Variants in CYP2C8 observed in about 807,000 individuals in gnomAD.
The protein encoded by CYP2C8 is cytochrome P450 family 2 subfamily C member 8.
A neutral mutation model predicts 41.3 loss-of-function variants in CYP2C8; 51 were observed. The observed-to-expected ratio is 1.24, with a 90% CI of 0.99 to 1.56. The LOEUF (loss-of-function observed/expected upper bound fraction) is 1.56. Ranked by LOEUF, CYP2C8 falls within the 40% of genes most tolerant of loss-of-function variation. CYP2C8 has a pLI of 0.00. For missense variants in CYP2C8, 651 were observed against 579.9 expected (o/e 1.12, Z -1.26); for synonymous variants, 218 against 205.8 (o/e 1.06, Z -0.51).
At chr10:95,065,546 G>C (rs1354377143) in intron 3 of CYP2C8, among the ~76,000 whole-genome samples, 1 of 152,130 alleles carries the variant, frequency 6.6e-6, no homozygotes, top group Non-Finnish European at 1.5e-5. Context: ...TAAGTAAAAT[G>C]CTAACTTTTT....
Position 95,038,908 on chromosome 10 carries a change from G to T in CYP2C8, c.1280C>A (p.Pro427His), listed in dbSNP as rs752621676. 1.2e-6 allele frequency: 2 copies of T among 1,613,884 alleles called. No individual in the cohort carries two copies. Among genetic ancestry groups the T allele is most frequent in the Non-Finnish European group, 1.7e-6 (2 of 1,179,800 alleles). The change falls in exon 8 of 9, where the codon CCT becomes CAT. Residue 427 changes from proline (P) to histidine (H), a missense_variant. By Grantham distance (77) the Pro-to-His change is moderately conservative (BLOSUM62 -2). Coordinates refer to ENST00000371270, the MANE Select transcript of CYP2C8 (RefSeq NM_000770.3). ...GNFKKSDYFM[P>H]FSAGKRICAG... is the part of the protein sequence containing the mutation. ...CGAGTTTCTATTACCTGCTGAGAAA[G>T]GCATGAAGTAGTCACTTTTCTTAAA...
Position 95,036,790 on chromosome 10 carries a change from C to T in CYP2C8, c.*338G>A, listed in dbSNP as rs2032890587. Reference sequence around the variant, plus strand: ...TGAGAACTGAACCAGCAATTAATAACACTTTTTATTTAGCACATTCACAAA... The same window carrying T: ...TGAGAACTGAACCAGCAATTAATAATACTTTTTATTTAGCACATTCACAAA... On this transcript the variant is annotated 3_prime_UTR_variant, in exon 9 of 9. Transcript: ENST00000371270. 3.0e-6 allele frequency: 1 copy of T among 328,592 alleles called. No homozygotes were observed. The highest frequency in any genetic ancestry group is 7.6e-5 in the East Asian group (1 of 13,112). The allele number at this position is 328,592 out of a possible 1,614,324, so 20.4% of individuals were successfully genotyped here. A position where few individuals can be genotyped will look rare whatever the true frequency, so the allele number is the denominator to read the frequency against.
Position 95,042,974 on chromosome 10 carries a change from G to C in CYP2C8, c.1065C>G (p.Ile355Met). The C allele has an allele frequency of 6.2e-7, 1 of 1,614,172 alleles. No individual in the cohort carries two copies. ...MPYTDAVVHE[I>M]QRYSDLVPTG... ...TGGGGACAAGGTCACTGTATCTCTGGATCTCGTGCACTACAGCATCAGTGT... is the reference window on the plus strand; with the variant it reads ...TGGGGACAAGGTCACTGTATCTCTGCATCTCGTGCACTACAGCATCAGTGT... Residue 355 changes from isoleucine (I) to methionine (M), a missense_variant, in exon 7 of 9, where the codon ATC becomes ATG. Transcript: ENST00000371270.
At chr10:95,064,691 AT>A (rs1038352443) in intron 4 of CYP2C8, 108 bp downstream of exon 4, 5 of 1,096,478 alleles carry the variant, frequency 4.6e-6, no homozygotes, top group Non-Finnish European at 6.7e-6. Flanking sequence ...CTCATACATC[AT>A]TTTTATTGTA....
At chr10:95,063,338 CT>C (rs2033482468) in intron 4 of CYP2C8, among the ~76,000 whole-genome samples, 1 of 152,292 alleles carries the variant, frequency 6.6e-6, no homozygotes, top group Non-Finnish European at 1.5e-5. Flanking sequence ...TTGTGCATTT[CT>C]TTTTATTCTT....
rs1162778112 is a variant in CYP2C8 at position 95,039,039 on chromosome 10, C to G, written c.1150-1G>C. On this transcript the variant is annotated splice_acceptor_variant, in intron 7 of 8. Transcript: ENST00000371270. LOFTEE classifies it high-confidence loss of function. ...TCAGTAATGCCATTATGGTTGTGCC[C>G]TGGAAGTAACAAAACAGATAATCTG... 1.9e-6 allele frequency: 3 copies of G among 1,612,924 alleles called. No individual in the cohort carries two copies. Among genetic ancestry groups the G allele is most frequent in the Non-Finnish European group, 2.5e-6 (3 of 1,178,992 alleles).
chr10:95,045,432 G>A (rs1485940382), intron 6 of CYP2C8, among the ~76,000 whole-genome samples: 1 of 152,162 alleles, frequency 6.6e-6, no homozygotes, highest in Non-Finnish European at 1.5e-5. Flanking sequence ...CCCCACCACA[G>A]CATTAGAGCA....
intron 3 of CYP2C8, 120 bp downstream of exon 3, chr10:95,067,088 C>T: frequency 7.2e-7 from 1 of 1,394,878 alleles, no homozygotes. Flanking sequence ...CCTCCACCAC[C>T]TGAGGGCTGA....
intron 4 of CYP2C8, among the ~76,000 whole-genome samples, chr10:95,062,092 G>A (rs1259285197): frequency 6.6e-6 from 1 of 152,164 alleles, no homozygotes; most frequent in African/African-American, 2.4e-5. Flanking sequence ...AGTGTGGTGT[G>A]GTGCTGAGAA....
At chr10:95,052,830 C>A (rs2033237904) in intron 5 of CYP2C8, among the ~76,000 whole-genome samples, 1 of 152,058 alleles carries the variant, frequency 6.6e-6, no homozygotes, top group African/African-American at 2.4e-5. Context: ...AGACCAACAG[C>A]TAGTAACATA....
At chr10:95,038,400 T>A (rs2032927667) in intron 8 of CYP2C8, among the ~76,000 whole-genome samples, 1 of 152,182 alleles carries the variant, frequency 6.6e-6, no homozygotes, top group African/African-American at 2.4e-5. Flanking sequence ...CTTTCCTCTC[T>A]CACAGTCCTG....
At chr10:95,063,842 A>C (rs1415660621) in intron 4 of CYP2C8, among the ~76,000 whole-genome samples, 3 of 152,188 alleles carry the variant, frequency 2.0e-5, no homozygotes, top group Non-Finnish European at 4.4e-5. Flanking sequence ...TCTGTTTGTT[A>C]GATTTCCTTC....
At chr10:95,067,458 C>A (rs751649419) in intron 2 of CYP2C8, 71 bp downstream of exon 2, 25 of 1,613,172 alleles carry the variant, frequency 1.5e-5, no homozygotes, top group Middle Eastern at 1.6e-4. Context: ...TGCTGAGAAG[C>A]TTTTTAGGGC....
At chr10:95,042,566 A>G (rs905944696) in intron 7 of CYP2C8, among the ~76,000 whole-genome samples, 1 of 152,246 alleles carries the variant, frequency 6.6e-6, no homozygotes, top group African/African-American at 2.4e-5. Flanking sequence ...TAAAAAATTC[A>G]ATGCATGAAC....
At chr10:95,049,142 A>G (rs773071845) in intron 5 of CYP2C8, among the ~76,000 whole-genome samples, 17 of 152,202 alleles carry the variant, frequency 1.1e-4, no homozygotes, top group Non-Finnish European at 1.6e-4. Flanking sequence ...TAATCCCATT[A>G]GAAAGTGGGC....
intron 7 of CYP2C8, chr10:95,039,496 G>A (rs548421041): frequency 5.8e-6 from 1 of 172,516 alleles, no homozygotes; most frequent in Admixed American, 5.6e-5. Context: ...AACCACAAGT[G>A]CAATAAGAAG....
At chr10:95,063,823 G>A (rs1564741531) in intron 4 of CYP2C8, among the ~76,000 whole-genome samples, 1 of 152,190 alleles carries the variant, frequency 6.6e-6, no homozygotes, top group Non-Finnish European at 1.5e-5. Context: ...TTTTGGTGTG[G>A]ATGTCCTTTC....
At chr10:95,056,852 G>T (rs2033323957) in intron 5 of CYP2C8, among the ~76,000 whole-genome samples, 1 of 152,120 alleles carries the variant, frequency 6.6e-6, no homozygotes, top group Non-Finnish European at 1.5e-5. Flanking sequence ...TCCCAATGTG[G>T]AGCTTAGCCT....
intron 8 of CYP2C8, among the ~76,000 whole-genome samples, chr10:95,038,019 T>C (rs941127536): frequency 1.4e-4 from 21 of 152,230 alleles, no homozygotes; most frequent in African/African-American, 5.1e-4. Context: ...TGGTAAAATG[T>C]GAATTCTTGA....
Sources: gnomAD v4.1 joint callset for allele counts (sites outside exome capture counted in the v4.1 genomes callset) on GRCh38, gnomAD v4.1.1 for gene constraint, MANE v1.5 for transcripts, NCBI Gene and HGNC (gene_info 2026-07-23, HGNC 2026-07-21) for gene names.